RGS16: variants seen among roughly 807,000 people sequenced by gnomAD.
The protein encoded by RGS16 is hRGS-r.
A neutral mutation model predicts 18.1 loss-of-function variants in RGS16; 12 were observed. The ratio of observed to expected loss-of-function variants is 0.66; its 90% CI spans 0.42 to 1.07. The LOEUF is 1.07. Among genes scored for constraint, RGS16 ranks in the 50% least tolerant of loss-of-function variants. RGS16 has a pLI of 0.00. For missense variants in RGS16, 238 were observed against 249.2 expected (o/e 0.95, Z 0.30); for synonymous variants, 88 against 102.0 (o/e 0.86, Z 0.83).
intron 1 of RGS16, among the ~76,000 whole-genome samples, chr1:182,603,786 A>T (rs1041131443): frequency 7.9e-5 from 12 of 151,854 alleles, no homozygotes; most frequent in African/African-American, 2.9e-4. Context: ...CACCCTCAAC[A>T]GTGGGAGCCC....
chr1:182,600,886 G>A (rs560646701), intron 4 of RGS16, among the ~76,000 whole-genome samples: 44 of 152,210 alleles, frequency 2.9e-4, no homozygotes, highest in Admixed American at 1.1e-3. Context: ...CTACCCAGTC[G>A]CTACAGTGAG....
rs189841646 is a variant in RGS16 at position 182,602,790 on chromosome 1, T to C, written c.156-306A>G. Among the ~76,000 whole-genome samples the C allele has an allele frequency of 2.0e-3, 305 of 152,366 alleles. 1 individual carries two copies. Among genetic ancestry groups the C allele is most frequent in the Non-Finnish European group, 3.8e-3 (261 of 68,034 alleles). ...TTCCCCTGACTCTCAAAGATTTGTT[T>C]TGTACACCTTCCCAAGGAAATAAGG... is the stretch of plus-strand genomic sequence containing the variant. On this transcript the variant is annotated intron_variant, in intron 2 of 4. Transcript: ENST00000367558.
chr1:182,600,307 C>T lies in RGS16; in HGVS notation c.594G>A (p.Glu198=), dbSNP rs765054476. Residue 198 remains glutamate, a synonymous_variant, in exon 5 of 5, where the codon GAG becomes GAA. Coordinates refer to ENST00000367558, the MANE Select transcript of RGS16 (RefSeq NM_002928.4). ...SATLSSCSLD[E]PSHT is the part of the protein sequence containing the mutation. ...CCGTGGAGACTCAGGTGTGTGAGGG[C>T]TCGTCCAGGCTGCAGCTGGACAGAG... 3 of 1,613,680 alleles carry T rather than the reference C, an allele frequency of 1.9e-6. No individual in the cohort carries two copies. The highest frequency in any genetic ancestry group is 2.2e-5 in the South Asian group (2 of 91,070).
Position 182,602,415 on chromosome 1 carries a change from C to G in RGS16, c.220+5G>C, listed in dbSNP as rs1349829320. 1 of 1,613,352 alleles carries G rather than the reference C, an allele frequency of 6.2e-7. No individual in the cohort carries two copies. Among genetic ancestry groups the G allele is most frequent in the Admixed American group, 1.7e-5 (1 of 59,994 alleles). On this transcript the variant is annotated splice_donor_5th_base_variant and intron_variant, in intron 3 of 4. Coordinates refer to ENST00000367558, the MANE Select transcript of RGS16 (RefSeq NM_002928.4). ...CAGAGACAGACACAAAAGGCTCCTA[C>G]TCACTTTTACTGCTCAGCAGCAGGT...
rs1661878487 is a variant in RGS16, at chr1:182,602,267, T to C, written c.221-135A>G. On this transcript the variant is annotated intron_variant, in intron 3 of 4. Transcript: ENST00000367558. ...TCTTGAACAATGACCTGCCTTTATA[T>C]GTTGAATAGAGGCTGGCACACTAGG... The C allele has an allele frequency of 2.7e-6, 3 of 1,125,828 alleles. No individual in the cohort carries two copies. In the Admixed American group the frequency reaches 6.2e-5, roughly 23 times the overall value. The allele number at this position is 1,125,828 out of a possible 1,614,324, so 69.7% of individuals were successfully genotyped here. A position where few individuals can be genotyped will look rare whatever the true frequency, so the allele number is the denominator to read the frequency against.
At chr1:182,600,555 G>A (rs779905981) in intron 4 of RGS16, 42 bp from the exon 5 acceptor site, 1 of 1,576,106 alleles carries the variant, frequency 6.3e-7, no homozygotes, top group South Asian at 1.1e-5. Context: ...TGGGGAAGAG[G>A]GTGGGCATGG....
Position 182,600,507 on chromosome 1 carries a change from T to C in RGS16, c.394A>G (p.Ile132Val), listed in dbSNP as rs201461121. Residue 132 changes from isoleucine to valine, a missense_variant, in exon 5 of 5, where the codon ATT becomes GTT. Ile to Val is a conservative substitution (Grantham distance 29, BLOSUM62 3). Coordinates refer to ENST00000367558, the MANE Select transcript of RGS16 (RefSeq NM_002928.4). Reference protein sequence around the residue: ...ICSEAPKEVNIDHETHELTRM... With the variant: ...ICSEAPKEVNVDHETHELTRM... ...GTCAGCTCGTGGGTCTCATGGTCAATGTTGACCTGCGGGAAGGAGGACACA... is the reference window on the plus strand; with the variant it reads ...GTCAGCTCGTGGGTCTCATGGTCAACGTTGACCTGCGGGAAGGAGGACACA... 5 of 1,613,572 alleles carry C rather than the reference T, an allele frequency of 3.1e-6. No homozygotes were observed. The highest frequency in any genetic ancestry group is 3.3e-5 in the Admixed American group (2 of 60,004).
Position 182,600,422 on chromosome 1 carries a change from C to G in RGS16, c.479G>C (p.Arg160Pro). ...TCFDAAQGKT[R>P]TLMEKDSYPR... is the part of the protein sequence containing the mutation. Reference sequence around the variant, plus strand: ...GTAGGAGTCCTTCTCCATCAGGGTACGTGTCTTCCCCTGAGCCGCATCAAA... The same window carrying G: ...GTAGGAGTCCTTCTCCATCAGGGTAGGTGTCTTCCCCTGAGCCGCATCAAA... The change falls in exon 5 of 5, where the codon CGT becomes CCT. Residue 160 changes from arginine to proline, a missense_variant. Coordinates refer to ENST00000367558, the MANE Select transcript of RGS16 (RefSeq NM_002928.4). 1 of 1,614,002 alleles carries G rather than the reference C, an allele frequency of 6.2e-7. No individual in the cohort carries two copies. Among genetic ancestry groups the G allele is most frequent in the South Asian group, 1.1e-5 (1 of 91,072 alleles).
At chr1:182,603,834 C>T (rs1167258368) in intron 1 of RGS16, among the ~76,000 whole-genome samples, 5 of 152,106 alleles carry the variant, frequency 3.3e-5, no homozygotes. Flanking sequence ...AAAAAATCTC[C>T]CTGTCTTCCA....
rs186388978 is a variant in RGS16 at position 182,604,355 on chromosome 1, T to C, written c.-96A>G. On this transcript the variant is annotated 5_prime_UTR_variant, in exon 1 of 5. Coordinates refer to ENST00000367558, the MANE Select transcript of RGS16 (RefSeq NM_002928.4). ...GAAGCAAAGGCGCGGTAGCAGGTGC[T>C]AGTCAACTGCGGTTGGGTTTAGCAG... 167 of 1,280,468 alleles carry C rather than the reference T, an allele frequency of 1.3e-4. No homozygotes were observed. In the East Asian group the frequency reaches 4.0e-3, roughly 31 times the overall value. 79.3% of individuals were successfully genotyped at this position (1,280,468 alleles called of 1,614,324 possible).
At chr1:182,600,959 G>A (rs1661854377) in intron 4 of RGS16, among the ~76,000 whole-genome samples, 1 of 152,234 alleles carries the variant, frequency 6.6e-6, no homozygotes, top group South Asian at 2.1e-4. Flanking sequence ...TTCAGAAGAA[G>A]AGCCAAAGGG....
Position 182,600,153 on chromosome 1 carries a change from C to T in RGS16, c.*139G>A, listed in dbSNP as rs951013470. 12 of 602,652 alleles carry T rather than the reference C, an allele frequency of 2.0e-5. No homozygotes were observed. Among genetic ancestry groups the T allele is most frequent in the Non-Finnish European group, 2.8e-5 (10 of 362,050 alleles). The allele number at this position is 602,652 out of a possible 1,614,324, so 37.3% of individuals were successfully genotyped here. A position where few individuals can be genotyped will look rare whatever the true frequency, so the allele number is the denominator to read the frequency against. On this transcript the variant is annotated 3_prime_UTR_variant, in exon 5 of 5. Coordinates refer to ENST00000367558, the MANE Select transcript of RGS16 (RefSeq NM_002928.4). ...CTGCTTCCCAAACAGGCTGCTGGAG[C>T]GCATTTTTTTTTTTTTTTTTTTTTT... is the stretch of plus-strand genomic sequence containing the variant.
Position 182,600,179 on chromosome 1 carries a change from TTTTG to T in RGS16, c.*109_*112del. 237 of 525,384 alleles carry T rather than the reference TTTTG, an allele frequency of 4.5e-4. No homozygotes were observed. Among genetic ancestry groups the T allele is most frequent in the South Asian group, 7.4e-4 (27 of 36,256 alleles). The allele number at this position is 525,384 out of a possible 1,614,324, so 32.5% of individuals were successfully genotyped here. A position where few individuals can be genotyped will look rare whatever the true frequency, so the allele number is the denominator to read the frequency against. On this transcript the variant is annotated 3_prime_UTR_variant, in exon 5 of 5. Transcript: ENST00000367558. ...GCATTTTTTTTTTTTTTTTTTTTTT[TTTTG>T]TCCTCTTGCACTTGCTTTGCAGAAC...
rs1477852879 is a variant in RGS16 at position 182,603,237 on chromosome 1, G to C, written c.147C>G (p.Ser49Arg). Residue 49 changes from serine to arginine, a missense_variant, in exon 2 of 5, where the codon AGC becomes AGG. By Grantham distance (110) the Ser-to-Arg change is moderately radical. Coordinates refer to ENST00000367558, the MANE Select transcript of RGS16 (RefSeq NM_002928.4). ...TGGTCAGCAACACTTACTTCTCTTT[G>C]CTGTGTTTACTGCCCCACTCGAACT... Reference protein sequence around the residue: ...TGKFEWGSKHSKENRNFSEDV... With the variant: ...TGKFEWGSKHRKENRNFSEDV... 6.2e-7 allele frequency: 1 copy of C among 1,611,116 alleles called. No homozygotes were observed. Among genetic ancestry groups the C allele is most frequent in the South Asian group, 1.1e-5 (1 of 91,000 alleles).
intron 1 of RGS16, among the ~76,000 whole-genome samples, 187 bp from the exon 2 acceptor site, chr1:182,603,526 A>G (rs1430107428): frequency 6.6e-6 from 1 of 152,076 alleles, no homozygotes; most frequent in Non-Finnish European, 1.5e-5. Flanking sequence ...CCAAAGCAAC[A>G]AAAGCAATGT....
At chr1:182,600,597 G>T in intron 4 of RGS16, 84 bp from the exon 5 acceptor site, 1 of 1,106,762 alleles carries the variant, frequency 9.0e-7, no homozygotes, top group Non-Finnish European at 1.4e-6. Flanking sequence ...GCTGGGCATT[G>T]GAAAGAGCAT....
chr1:182,602,316 A>G (rs1349089428), intron 3 of RGS16, 104 bp downstream of exon 3: 6 of 1,086,604 alleles, frequency 5.5e-6, no homozygotes, highest in Non-Finnish European at 8.3e-6. Context: ...TATTATTACT[A>G]CTACTATTAT....
chr1:182,600,529 C>A lies in RGS16; in HGVS notation c.388-16G>T, dbSNP rs1471212718. 1 of 1,610,020 alleles carries A rather than the reference C, an allele frequency of 6.2e-7. No homozygotes were observed. The highest frequency in any genetic ancestry group is 1.1e-5 in the South Asian group (1 of 91,006). ...CAATGTTGACCTGCGGGAAGGAGGA[C>A]ACACACAGGGTGAGTTGGGGAAGAG... is the stretch of plus-strand genomic sequence containing the variant. On this transcript the variant is annotated splice_polypyrimidine_tract_variant and intron_variant, in intron 4 of 4. Coordinates refer to ENST00000367558, the MANE Select transcript of RGS16 (RefSeq NM_002928.4).
At position 182,600,418 on chromosome 1, in the gene RGS16, G is replaced by A. The variant is rs1455818870; in HGVS notation, c.483C>T (p.Thr161=). The part of the protein sequence containing the change: ...CFDAAQGKTR[T]LMEKDSYPRF... ...GTGGGTAGGAGTCCTTCTCCATCAG[G>A]GTACGTGTCTTCCCCTGAGCCGCAT... The change falls in exon 5 of 5, where the codon ACC becomes ACT. Residue 161 remains threonine (T), a synonymous_variant. Coordinates refer to ENST00000367558, the MANE Select transcript of RGS16 (RefSeq NM_002928.4). 1.2e-6 allele frequency: 2 copies of A among 1,613,982 alleles called. No homozygotes were observed. The highest frequency in any genetic ancestry group is 1.7e-5 in the Admixed American group (1 of 60,012).
Sources: allele counts gnomAD v4.1 joint callset (sites outside exome capture counted in the v4.1 genomes callset), GRCh38; gene constraint gnomAD v4.1.1; transcripts MANE v1.5; gene names NCBI Gene and HGNC (gene_info 2026-07-23, HGNC 2026-07-21).